The following DSCAM variants were observed in gnomAD, a reference collection of about 807,000 sequenced individuals.
DSCAM encodes the protein DS cell adhesion molecule, also known as cell adhesion molecule DSCAM.
In DSCAM, 47 loss-of-function variants were observed where a neutral mutation model predicts 217.7. The ratio of observed to expected loss-of-function variants is 0.22; its 90% CI spans 0.17 to 0.28. The LOEUF is 0.28. Among genes scored for constraint, DSCAM ranks in the 10% least tolerant of loss-of-function variants. DSCAM has a pLI of 1.00. For synonymous variants in DSCAM, 1,056 were observed against 1,015.3 expected (o/e 1.04, Z -0.76); for missense variants, 2,080 against 2,618.3 (o/e 0.79, Z 4.49).
chr21:40,103,093 C>A (rs554896341), intron 20 of DSCAM, among the ~76,000 whole-genome samples: 4 of 152,078 alleles, frequency 2.6e-5, no homozygotes, highest in African/African-American at 9.7e-5. Context: ...GATTTGAGTA[C>A]GATAGGAAAT....
chr21:40,695,608 C>T (rs2090586867), intron 2 of DSCAM, among the ~76,000 whole-genome samples: 2 of 152,166 alleles, frequency 1.3e-5, no homozygotes, highest in African/African-American at 2.4e-5. Context: ...CACTCCCCAT[C>T]CCTTCTCCTT....
intron 3 of DSCAM, among the ~76,000 whole-genome samples, chr21:40,680,431 G>C (rs2090387720): frequency 6.6e-6 from 1 of 152,146 alleles, no homozygotes. Flanking sequence ...TCTCACAACT[G>C]TGCAGTAGGG....
chr21:40,368,122 C>T (rs2074853267), intron 4 of DSCAM, among the ~76,000 whole-genome samples: 1 of 152,168 alleles, frequency 6.6e-6, no homozygotes, highest in African/African-American at 2.4e-5. Context: ...TGCTTATTTA[C>T]TAATTTTGCG....
At chr21:40,127,645 T>G (rs1178598929) in intron 19 of DSCAM, among the ~76,000 whole-genome samples, 1 of 152,202 alleles carries the variant, frequency 6.6e-6, no homozygotes, top group Admixed American at 6.5e-5. Flanking sequence ...ACGGGCACCT[T>G]AGACCGACAT....
At chr21:40,387,177 G>C (rs1366860808) in intron 3 of DSCAM, among the ~76,000 whole-genome samples, 1 of 151,790 alleles carries the variant, frequency 6.6e-6, no homozygotes, top group South Asian at 2.1e-4. Flanking sequence ...TAAAGGAAGA[G>C]GGGGGGTGAA....
intron 1 of DSCAM, among the ~76,000 whole-genome samples, chr21:40,841,924 C>T (rs974442064): frequency 2.0e-5 from 3 of 152,236 alleles, no homozygotes; most frequent in South Asian, 2.1e-4. Flanking sequence ...TGCTGGACCT[C>T]GCCTGACCTG....
chr21:40,211,767 T>C (rs907090463), intron 11 of DSCAM, among the ~76,000 whole-genome samples: 1 of 152,200 alleles, frequency 6.6e-6, no homozygotes, highest in African/African-American at 2.4e-5. Context: ...TTATCACACT[T>C]TCCACTGCAT....
chr21:40,343,117 G>A (rs1055845668), intron 6 of DSCAM, among the ~76,000 whole-genome samples: 2 of 151,980 alleles, frequency 1.3e-5, no homozygotes, highest in Non-Finnish European at 2.9e-5. Context: ...TGTTTGTTCT[G>A]AGTATATAGA....
Position 40,193,610 on chromosome 21 carries a change from C to A in DSCAM, c.2357-4372G>T, listed in dbSNP as rs1199030960. ...GATGAGTGTCCTGATTCCTGCAACA[C>A]CCTCATCCTTAGAATAAAATATAGA... On this transcript the variant is annotated intron_variant, in intron 11 of 32. Coordinates refer to ENST00000400454, the MANE Select transcript of DSCAM (RefSeq NM_001389.5). Among the ~76,000 whole-genome samples, 3 of 152,184 alleles carry A rather than the reference C, an allele frequency of 2.0e-5. No individual in the cohort carries two copies. In the East Asian group the frequency reaches 5.8e-4, roughly 29 times the overall value.
intron 8 of DSCAM, among the ~76,000 whole-genome samples, chr21:40,319,433 G>A (rs536394313): frequency 1.3e-5 from 2 of 152,196 alleles, no homozygotes; most frequent in Admixed American, 6.5e-5. Flanking sequence ...ATGTTCGTGT[G>A]TGCATGTGTG....
At chr21:40,696,098 CTT>C (rs1568989685) in intron 2 of DSCAM, among the ~76,000 whole-genome samples, 1 of 151,930 alleles carries the variant, frequency 6.6e-6, no homozygotes, top group African/African-American at 2.4e-5. Context: ...AAAAAATACA[CTT>C]TGTTTTAAAT....
intron 3 of DSCAM, among the ~76,000 whole-genome samples, chr21:40,452,427 T>C (rs2075727988): frequency 6.6e-6 from 1 of 152,098 alleles, no homozygotes; most frequent in Non-Finnish European, 1.5e-5. Context: ...TTATGATATT[T>C]AGTGAAGTTA....
At chr21:40,160,798 A>ACTT (rs2090532019) in intron 16 of DSCAM, among the ~76,000 whole-genome samples, 1 of 152,226 alleles carries the variant, frequency 6.6e-6, no homozygotes, top group East Asian at 1.9e-4. Flanking sequence ...ACCGTTATAC[A>ACTT]AAAAATCAAA....
Position 40,175,037 on chromosome 21 carries a change from T to A in DSCAM, c.2947+3890A>T, listed in dbSNP as rs563753497. On this transcript the variant is annotated intron_variant, in intron 15 of 32. Transcript: ENST00000400454. The stretch of plus-strand genomic sequence containing the variant: ...TCTCTACTTTTCTGCATGAAGTCCT[T>A]GTCTTAGTCTTTTGGGGCTGCTATA... Among the ~76,000 whole-genome samples, 63 of 152,344 alleles carry A rather than the reference T, an allele frequency of 4.1e-4. 1 individual carries two copies. The South Asian group carries it at 0.013, about 32-fold the overall frequency.
intron 3 of DSCAM, among the ~76,000 whole-genome samples, chr21:40,414,475 G>A (rs2075352282): frequency 6.6e-6 from 1 of 152,154 alleles, no homozygotes; most frequent in Non-Finnish European, 1.5e-5. Flanking sequence ...AACGTACTGT[G>A]AAGAACTGAG....
intron 11 of DSCAM, among the ~76,000 whole-genome samples, chr21:40,224,439 T>G (rs547521087): frequency 6.6e-6 from 1 of 152,352 alleles, no homozygotes; most frequent in East Asian, 1.9e-4. Context: ...ACAATTACGG[T>G]TTCCTTGCAG....
chr21:40,516,059 GTTCACAT>G (rs1285096972), intron 3 of DSCAM, among the ~76,000 whole-genome samples: 4 of 151,938 alleles, frequency 2.6e-5, no homozygotes, highest in African/African-American at 7.3e-5. Flanking sequence ...TGATAAGGTA[GTTCACAT>G]TTCAGACTGA....
At chr21:40,639,136 G>GGTCCATTTTT (rs2089846196) in intron 3 of DSCAM, among the ~76,000 whole-genome samples, 1 of 150,868 alleles carries the variant, frequency 6.6e-6, no homozygotes, top group Admixed American at 6.6e-5. Context: ...GGTCCATTTT[G>GGTCCATTTTT]GTCCATTTTG....
chr21:40,800,846 G>A (rs1157444336), intron 1 of DSCAM, among the ~76,000 whole-genome samples: 1 of 151,524 alleles, frequency 6.6e-6, no homozygotes, highest in Non-Finnish European at 1.5e-5. Flanking sequence ...CTCCTGAGTA[G>A]CTTGGATTAC....
Sources: allele counts gnomAD v4.1 joint callset (sites outside exome capture counted in the v4.1 genomes callset), GRCh38; gene constraint gnomAD v4.1.1; transcripts MANE v1.5; gene names NCBI Gene and HGNC (gene_info 2026-07-23, HGNC 2026-07-21).